The following PDE4D variants were observed in gnomAD, a reference collection of about 807,000 sequenced individuals.
The protein encoded by PDE4D is phosphodiesterase 4D, also known as 3',5'-cyclic-AMP phosphodiesterase 4D.
PDE4D carries 24 observed loss-of-function variants against 87.4 expected under a neutral mutation model. That is an observed-to-expected ratio of 0.27 (90% confidence interval 0.20 to 0.39). PDE4D has a LOEUF of 0.39. Ranked by LOEUF, PDE4D falls within the 10% of genes least tolerant of loss-of-function variation. The pLI is 1.00. For missense variants in PDE4D, 714 were observed against 1,041.0 expected, an observed-to-expected ratio of 0.69 and a Z score of 4.32; for synonymous variants, 384 against 383.2, an observed-to-expected ratio of 1.00 and a Z score of -0.02.
chr5:59,584,633 G>A (rs1415108107), intron 1 of PDE4D, among the ~76,000 whole-genome samples: 1 of 152,136 alleles, frequency 6.6e-6, no homozygotes, highest in African/African-American at 2.4e-5. Context: ...GTATAGGTGA[G>A]GCTAATGCAA....
intron 1 of PDE4D, among the ~76,000 whole-genome samples, chr5:60,472,964 G>C (rs904968312): frequency 3.3e-5 from 5 of 151,994 alleles, no homozygotes; most frequent in African/African-American, 1.2e-4. Context: ...CATATTAAAT[G>C]CATTTTCAAC....
intron 2 of PDE4D, among the ~76,000 whole-genome samples, chr5:60,045,678 T>A (rs147931430): frequency 2.6e-5 from 4 of 152,218 alleles, no homozygotes; most frequent in Admixed American, 2.6e-4. Flanking sequence ...GTTGTAGATA[T>A]GCAGCATTAT....
At chr5:59,096,387 C>T (rs1034015043) in intron 5 of PDE4D, among the ~76,000 whole-genome samples, 1 of 152,138 alleles carries the variant, frequency 6.6e-6, no homozygotes, top group South Asian at 2.1e-4. Flanking sequence ...AATATGACTG[C>T]ACTTTTAGTG....
At chr5:59,261,072 G>A (rs1417677098) in intron 1 of PDE4D, among the ~76,000 whole-genome samples, 1 of 151,860 alleles carries the variant, frequency 6.6e-6, no homozygotes, top group Non-Finnish European at 1.5e-5. Flanking sequence ...ATGACTGGCA[G>A]TCATAGAATA....
chr5:59,979,896 T>C (rs978948464), intron 3 of PDE4D, among the ~76,000 whole-genome samples: 2 of 152,192 alleles, frequency 1.3e-5, no homozygotes, highest in Admixed American at 6.5e-5. Flanking sequence ...TTTTTTTCTA[T>C]ATACAGATTT....
intron 5 of PDE4D, among the ~76,000 whole-genome samples, chr5:59,050,230 G>T (rs1363646900): frequency 6.6e-6 from 1 of 152,154 alleles, no homozygotes; most frequent in Non-Finnish European, 1.5e-5. Flanking sequence ...TTGTGCCACT[G>T]CACTCCAGCC....
chr5:59,520,419 G>A (rs1229269188), intron 1 of PDE4D, among the ~76,000 whole-genome samples: 2 of 152,284 alleles, frequency 1.3e-5, no homozygotes, highest in South Asian at 2.1e-4. Flanking sequence ...AAGTTGGTGC[G>A]ACTGAATTTC....
intron 1 of PDE4D, among the ~76,000 whole-genome samples, chr5:59,479,459 T>G (rs1291963587): frequency 6.6e-6 from 1 of 152,128 alleles, no homozygotes; most frequent in Non-Finnish European, 1.5e-5. Context: ...CATACGTATT[T>G]TCTATTTTTT....
intron 1 of PDE4D, among the ~76,000 whole-genome samples, chr5:59,819,700 G>T (rs1769411218): frequency 6.6e-6 from 1 of 152,104 alleles, no homozygotes; most frequent in African/African-American, 2.4e-5. Context: ...ACTTGAAGGG[G>T]GAAAAAGAAT....
intron 1 of PDE4D, among the ~76,000 whole-genome samples, chr5:59,764,987 C>G (rs991808251): frequency 3.9e-5 from 6 of 152,110 alleles, no homozygotes; most frequent in African/African-American, 1.4e-4. Flanking sequence ...AGCATGAGAA[C>G]ACTAAAATAT....
At chr5:59,996,906 G>A (rs999766933) in intron 2 of PDE4D, among the ~76,000 whole-genome samples, 2 of 152,044 alleles carry the variant, frequency 1.3e-5, no homozygotes, top group African/African-American at 2.4e-5. Flanking sequence ...TCCAAATATA[G>A]GCTGTGATTT....
chr5:60,038,558 T>G (rs1198770875), intron 2 of PDE4D, among the ~76,000 whole-genome samples: 1 of 152,120 alleles, frequency 6.6e-6, no homozygotes, highest in African/African-American at 2.4e-5. Context: ...TCAGGTAGTG[T>G]GATGCCTCCA....
intron 3 of PDE4D, among the ~76,000 whole-genome samples, chr5:59,906,461 G>A (rs990843296): frequency 2.0e-5 from 3 of 152,050 alleles, no homozygotes; most frequent in Admixed American, 6.6e-5. Flanking sequence ...AATTCAGCTC[G>A]CTATCTGTTT....
rs141195591 is a variant in PDE4D, at chr5:59,321,929, G to A, written c.456-105961C>T. On this transcript the variant is annotated intron_variant, in intron 1 of 14. Transcript: ENST00000340635. Reference sequence around the variant, plus strand: ...GGATTATTTGGGCTTGAGGATTTTTGGATTGATTGAATACAACTTTATTTA... The same window carrying A: ...GGATTATTTGGGCTTGAGGATTTTTAGATTGATTGAATACAACTTTATTTA... 9.4e-3 allele frequency among the ~76,000 whole-genome samples: 1,431 copies of A among 152,154 alleles called. 8 individuals are homozygous for A. Among genetic ancestry groups the A allele is most frequent in the Non-Finnish European group, 0.016 (1,112 of 67,976 alleles).
chr5:59,332,171 T>G (rs1339882750), intron 1 of PDE4D, among the ~76,000 whole-genome samples: 1 of 152,256 alleles, frequency 6.6e-6, no homozygotes, highest in African/African-American at 2.4e-5. Context: ...TTATTTATTC[T>G]TGTTTTTATC....
In PDE4D at chr5:59,753,534, G is replaced by T. The variant is rs1185055321; in HGVS notation, c.455+139634C>A. On this transcript the variant is annotated intron_variant, in intron 1 of 14. Coordinates refer to ENST00000340635, the MANE Select transcript of PDE4D (RefSeq NM_001104631.2). The stretch of plus-strand genomic sequence containing the variant: ...ATGGAACTTGAGCCTGGGAAATGAG[G>T]TTTAAGAGTAGGGTTTATTAAAAGA... 7.9e-5 allele frequency among the ~76,000 whole-genome samples: 12 copies of T among 152,152 alleles called. 1 individual carries two copies.
chr5:59,918,620 G>A (rs1343513603), intron 3 of PDE4D, among the ~76,000 whole-genome samples: 3 of 152,172 alleles, frequency 2.0e-5, no homozygotes, highest in African/African-American at 4.8e-5. Flanking sequence ...CAGGCTGCTT[G>A]TTGTAAAGGG....
Position 59,866,227 on chromosome 5 carries a change from T to G in PDE4D, c.455+26941A>C, listed in dbSNP as rs143858764. Among the ~76,000 whole-genome samples the G allele has an allele frequency of 7.2e-5, 11 of 152,344 alleles. No homozygotes were observed. In the East Asian group the frequency reaches 2.1e-3, roughly 29 times the overall value. On this transcript the variant is annotated intron_variant, in intron 1 of 14. Coordinates refer to ENST00000340635, the MANE Select transcript of PDE4D (RefSeq NM_001104631.2). ...GACAGGACTCCTATACATACTTCTT[T>G]TTTTGTTTATTGAAAATCTTATTAT...
intron 2 of PDE4D, among the ~76,000 whole-genome samples, chr5:60,046,542 T>G (rs1369175521): frequency 6.6e-6 from 1 of 152,206 alleles, no homozygotes; most frequent in Non-Finnish European, 1.5e-5. Flanking sequence ...ATACATCCCA[T>G]CAATACCTAA....
Sources: allele counts gnomAD v4.1 joint callset (sites outside exome capture counted in the v4.1 genomes callset), GRCh38; gene constraint gnomAD v4.1.1; transcripts MANE v1.5; gene names NCBI Gene and HGNC (gene_info 2026-07-23, HGNC 2026-07-21).